TTC21A: variants seen among roughly 807,000 people sequenced by gnomAD.
The protein encoded by TTC21A is tetratricopeptide repeat domain 21A, also known as tetratricopeptide repeat protein 21A.
In TTC21A, 128 loss-of-function variants were observed where a neutral mutation model predicts 156.4. That is an observed-to-expected ratio of 0.82 (90% CI 0.71 to 0.95). The LOEUF (loss-of-function observed/expected upper bound fraction) is 0.95, where lower values mean the gene tolerates loss of function less well. TTC21A is among the 40% of genes least tolerant of loss of function. The pLI, the probability that TTC21A is intolerant of heterozygous loss-of-function variation, is 0.00. For missense variants in TTC21A, 1,435 were observed against 1,602.3 expected, an observed-to-expected ratio of 0.90 and a Z score of 1.78; for synonymous variants, 587 against 617.1, an observed-to-expected ratio of 0.95 and a Z score of 0.72.
rs552062804 is a variant in TTC21A, at chr3:39,137,542, G to A, written c.3507G>A (p.Gln1169=). ...CACAAGCCTACGTGTTCCTGAAGCA[G>A]ATCCCCAAGGCGCGTATGCAGTTGA... is the stretch of plus-strand genomic sequence containing the variant. ...ALAQAYVFLK[Q]IPKARMQLKR... Residue 1169 remains glutamine, a synonymous_variant, in exon 26 of 29, where the codon CAG becomes CAA. Transcript: ENST00000683103. 8.5e-5 allele frequency: 138 copies of A among 1,614,254 alleles called. No individual in the cohort carries two copies. The East Asian group carries it at 2.4e-3, about 28-fold the overall frequency.
Position 39,130,273 on chromosome 3 carries a change from A to G in TTC21A, c.2234A>G (p.Asp745Gly). The G allele has an allele frequency of 2.5e-6, 4 of 1,613,924 alleles. No homozygotes were observed. The highest frequency in any genetic ancestry group is 3.4e-6 in the Non-Finnish European group (4 of 1,179,904). Reference protein sequence around the residue: ...LEPEKALEVYDEAYRQNPHDA... With the variant: ...LEPEKALEVYGEAYRQNPHDA... ...CCCGAGAAGGCCCTGGAGGTCTATG[A>G]TGAGGCCTATAGACAGAACCCACAT... is the stretch of plus-strand genomic sequence containing the variant. Residue 745 changes from aspartate (D) to glycine (G), a missense_variant, in exon 17 of 29, where the codon GAT (aspartate) becomes GGT (glycine). Physicochemically the swap from Asp to Gly is moderately conservative, Grantham distance 94 (BLOSUM62 -1). Transcript: ENST00000683103. The surrounding 1 kb of genome is among the most constrained non-coding windows in gnomAD (Gnocchi z 4.5).
At chr3:39,116,390 CCTTT>C (rs1012997241) in intron 6 of TTC21A, among the ~76,000 whole-genome samples, 28 of 152,152 alleles carry the variant, frequency 1.8e-4, no homozygotes, top group Non-Finnish European at 1.5e-4. Context: ...TTTTGTAGCT[CCTTT>C]CTATTATATT....
At chr3:39,121,358 A>G (rs927747617) in intron 9 of TTC21A, among the ~76,000 whole-genome samples, 169 bp downstream of exon 9, 1 of 152,222 alleles carries the variant, frequency 6.6e-6, no homozygotes, top group Non-Finnish European at 1.5e-5. Context: ...GTATAGATGT[A>G]AGAGGCACAG....
rs2038528534 is a variant in TTC21A at position 39,129,243 on chromosome 3, A to G, written c.2068A>G (p.Arg690Gly). The change falls in exon 15 of 29, where the codon AGA becomes GGA. Residue 690 changes from arginine (R) to glycine (G), a missense_variant. By Grantham distance (125) the Arg-to-Gly change is moderately radical. Transcript: ENST00000683103. The stretch of plus-strand genomic sequence containing the variant: ...CAAGCAGTCCTGCTATATGGAAGCC[A>G]GAGAGAAGATGGCCAACATCTACCT... ...LPKQSCYMEAREKMANIYLQT... is the reference protein window; with the variant it reads ...LPKQSCYMEAGEKMANIYLQT... 1 of 1,614,138 alleles carries G rather than the reference A, an allele frequency of 6.2e-7. No individual in the cohort carries two copies. Among genetic ancestry groups the G allele is most frequent in the Admixed American group, 1.7e-5 (1 of 60,012 alleles).
rs761985660 is a variant in TTC21A, at chr3:39,118,084, T to C, written c.732T>C (p.Asp244=). Residue 244 remains aspartate, a synonymous_variant, in exon 7 of 29, where the codon GAT becomes GAC. Coordinates refer to ENST00000683103, the MANE Select transcript of TTC21A (RefSeq NM_001366900.1). ...VEMGHRILEK[D]ESNIDACQIL... Reference sequence around the variant, plus strand: ...CTTCCTTCAGAATCCTAGAAAAAGATGAGAGCAATATTGATGCCTGCCAAA... The same window carrying C: ...CTTCCTTCAGAATCCTAGAAAAAGACGAGAGCAATATTGATGCCTGCCAAA... The C allele has an allele frequency of 8.8e-5, 142 of 1,610,544 alleles. No homozygotes were observed. Among genetic ancestry groups the C allele is most frequent in the Non-Finnish European group, 1.2e-4 (140 of 1,176,828 alleles).
At chr3:39,136,688 C>A in intron 23 of TTC21A, 181 bp downstream of exon 23, 1 of 998,412 alleles carries the variant, frequency 1.0e-6, no homozygotes, top group Non-Finnish European at 1.4e-6. Context: ...GAGCCTGCAG[C>A]CTCTGGATGG....
At chr3:39,126,154 G>A in intron 11 of TTC21A, 107 bp from the exon 12 acceptor site, 3 of 1,384,966 alleles carry the variant, frequency 2.2e-6, no homozygotes, top group South Asian at 1.3e-5. Context: ...ATAAATAAGT[G>A]TGGAATGAAG....
At chr3:39,113,296 GC>G (rs1188921738) in intron 5 of TTC21A, among the ~76,000 whole-genome samples, 1 of 152,174 alleles carries the variant, frequency 6.6e-6, no homozygotes, top group African/African-American at 2.4e-5. Context: ...TTTCTGGCTG[GC>G]AGAAAGCAAT....
chr3:39,120,240 A>G (rs1165509031), intron 8 of TTC21A, among the ~76,000 whole-genome samples: 1 of 152,122 alleles, frequency 6.6e-6, no homozygotes, highest in South Asian at 2.1e-4. Context: ...CCCCTCAGAG[A>G]TGCCATGAAG....
At chr3:39,126,559 A>G (rs1412620347) in intron 12 of TTC21A, among the ~76,000 whole-genome samples, 169 bp downstream of exon 12, 4 of 148,458 alleles carry the variant, frequency 2.7e-5, no homozygotes, top group African/African-American at 1.0e-4. Flanking sequence ...ACACACACAC[A>G]TGCATGCTCC....
At chr3:39,136,051 C>T (rs1032315258) in intron 22 of TTC21A, 3 of 177,132 alleles carry the variant, frequency 1.7e-5, no homozygotes, top group African/African-American at 4.8e-5. Flanking sequence ...GGGCGAGACT[C>T]CGTCTCAAAA....
chr3:39,134,308 A>T lies in TTC21A; in HGVS notation c.2842A>T (p.Asn948Tyr). The T allele has an allele frequency of 6.2e-7, 1 of 1,613,722 alleles. No homozygotes were observed. The highest frequency in any genetic ancestry group is 8.5e-7 in the Non-Finnish European group (1 of 1,179,664). Residue 948 changes from asparagine (N) to tyrosine (Y), a missense_variant, in exon 21 of 29, where the codon AAC (asparagine) becomes TAC (tyrosine). Coordinates refer to ENST00000683103, the MANE Select transcript of TTC21A (RefSeq NM_001366900.1). This position sits in a 1 kb window ranked among gnomAD's most constrained non-coding sequence, Gnocchi z 4.6. Reference protein sequence around the residue: ...HCAILLQTEQNHETASVLMAD... With the variant: ...HCAILLQTEQYHETASVLMAD... The stretch of plus-strand genomic sequence containing the variant: ...TGCCATCCTCCTGCAGACTGAGCAG[A>T]ACCATGAGACCGCTTCTGTGGTAGG...
chr3:39,129,707 G>A (rs923262891), intron 15 of TTC21A, among the ~76,000 whole-genome samples: 3 of 152,228 alleles, frequency 2.0e-5, no homozygotes, highest in Non-Finnish European at 2.9e-5. Flanking sequence ...TAAAGTGGGA[G>A]GTGGGGATGC....
intron 6 of TTC21A, among the ~76,000 whole-genome samples, 169 bp from the exon 7 acceptor site, chr3:39,117,900 C>T (rs1240685662): frequency 3.3e-5 from 5 of 152,140 alleles, no homozygotes; most frequent in Non-Finnish European, 1.5e-5. Context: ...CAAAGAGAGG[C>T]TGGGAAATGT....
Position 39,110,062 on chromosome 3 carries a change from G to T in TTC21A, c.191G>T (p.Ser64Ile). ...HIQDAISDLE[S>I]IRHHPDVSLC... ...CAGGATGCCATCAGTGACCTGGAAA[G>T]CATCAGGCATCACCCAGACGTGTCC... The change falls in exon 3 of 29, where the codon AGC (serine) becomes ATC (isoleucine). Residue 64 changes from serine to isoleucine, a missense_variant. By Grantham distance (142) the Ser-to-Ile change is moderately radical (BLOSUM62 -2). Transcript: ENST00000683103. The T allele has an allele frequency of 6.2e-7, 1 of 1,614,084 alleles. No homozygotes were observed. The highest frequency in any genetic ancestry group is 8.5e-7 in the Non-Finnish European group (1 of 1,180,008).
intron 5 of TTC21A, among the ~76,000 whole-genome samples, chr3:39,114,069 A>G (rs1396188785): frequency 1.3e-5 from 2 of 152,212 alleles, no homozygotes; most frequent in African/African-American, 2.4e-5. Flanking sequence ...TGCAGAGGCC[A>G]TGACCACAGC....
At chr3:39,136,205 C>T in intron 22 of TTC21A, 152 bp from the exon 23 acceptor site, 1 of 689,618 alleles carries the variant, frequency 1.5e-6, no homozygotes, top group East Asian at 2.6e-5. Flanking sequence ...CTTTACTCAA[C>T]CCTGGAGACC....
At chr3:39,127,135 G>A (rs1294188157) in intron 12 of TTC21A, among the ~76,000 whole-genome samples, 2 of 152,112 alleles carry the variant, frequency 1.3e-5, no homozygotes, top group African/African-American at 4.8e-5. Context: ...GGGAAGGAGA[G>A]GGAAACTCTT....
At chr3:39,135,007 C>T (rs2039002681) in intron 21 of TTC21A, 86 bp from the exon 22 acceptor site, 1 of 1,156,594 alleles carries the variant, frequency 8.6e-7, no homozygotes, top group Admixed American at 1.7e-5. Context: ...TTCTTACCAC[C>T]ATCACCCCCA....
Sources: allele counts gnomAD v4.1 joint callset (sites outside exome capture counted in the v4.1 genomes callset), GRCh38; gene constraint gnomAD v4.1.1; non-coding constraint Gnocchi (gnomAD v3.1); transcripts MANE v1.5; gene names NCBI Gene and HGNC (gene_info 2026-07-23, HGNC 2026-07-21).